Variants in NAPA observed in about 807,000 individuals in gnomAD.
NAPA encodes NSF attachment protein alpha, also known as alpha-soluble NSF attachment protein.
NAPA carries 18 observed loss-of-function variants against 48.0 expected under a neutral mutation model. That is an observed-to-expected ratio of 0.38 (90% CI 0.26 to 0.56). The LOEUF is 0.56. Among genes scored for constraint, NAPA ranks in the 20% least tolerant of loss-of-function variants. NAPA has a pLI of 0.77. For missense variants in NAPA, 315 were observed against 385.0 expected, an observed-to-expected ratio of 0.82 and a Z score of 1.52; for synonymous variants, 152 against 149.9, an observed-to-expected ratio of 1.01 and a Z score of -0.10.
Position 47,493,099 on chromosome 19 carries a change from G to C in NAPA, c.476+20C>G, listed in dbSNP as rs1298184829. 6 of 1,613,836 alleles carry C rather than the reference G, an allele frequency of 3.7e-6. No individual in the cohort carries two copies. In the Admixed American group the frequency reaches 6.7e-5, roughly 18 times the overall value. On this transcript the variant is annotated intron_variant, in intron 6 of 10. Transcript: ENST00000263354. This position sits in a 1 kb window ranked among gnomAD's most constrained non-coding sequence, Gnocchi z 6.4. ...TGGTGGCGGTCCCTGCGGGGCTGGG[G>C]CAGGCAGGAAGGGGGCTACCTGTTG... is the stretch of plus-strand genomic sequence containing the variant.
At position 47,488,356 on chromosome 19, in the gene NAPA, G is replaced by T; in HGVS notation, c.820C>A (p.Gln274Lys). The T allele has an allele frequency of 6.2e-7, 1 of 1,613,564 alleles. No homozygotes were observed. Among genetic ancestry groups the T allele is most frequent in the South Asian group, 1.1e-5 (1 of 91,084 alleles). ...CGCAGCAGCATGGTGGTGAGCCACT[G>T]GTCCAGCCGGGAGATGGAGTCGTAT... is the stretch of plus-strand genomic sequence containing the variant. ...KEYDSISRLD[Q>K]WLTTMLLRIK... is the part of the protein sequence containing the mutation. The change falls in exon 11 of 11, where the codon CAG (glutamine) becomes AAG (lysine). Residue 274 changes from glutamine (Q) to lysine (K), a missense_variant. Transcript: ENST00000263354.
intron 1 of NAPA, among the ~76,000 whole-genome samples, chr19:47,505,018 CTT>C (rs1968666846): frequency 2.0e-5 from 3 of 152,194 alleles, no homozygotes; most frequent in Admixed American, 2.0e-4. Flanking sequence ...TGAGCCTCCT[CTT>C]GACTTGGGGG....
chr19:47,512,041 T>C lies in NAPA; in HGVS notation c.98+2802A>G, dbSNP rs536642983. On this transcript the variant is annotated intron_variant, in intron 1 of 10. Coordinates refer to ENST00000263354, the MANE Select transcript of NAPA (RefSeq NM_003827.4). ...TGGCCTCACCTGCCGCTTCCACCTTTATGGTCTAACGTGGAACTCCCTGTG... is the reference window on the plus strand; with the variant it reads ...TGGCCTCACCTGCCGCTTCCACCTTCATGGTCTAACGTGGAACTCCCTGTG... Among the ~76,000 whole-genome samples the C allele has an allele frequency of 9.2e-5, 14 of 152,232 alleles. No individual in the cohort carries two copies. The South Asian group carries it at 2.9e-3, about 32-fold the overall frequency.
intron 3 of NAPA, among the ~76,000 whole-genome samples, chr19:47,500,270 G>A (rs776831006): frequency 2.6e-5 from 4 of 152,022 alleles, no homozygotes; most frequent in Non-Finnish European, 4.4e-5. Context: ...CCCCCACACC[G>A]CTCCCTTCTG....
At chr19:47,498,593 CT>C (rs1039274103) in intron 3 of NAPA, among the ~76,000 whole-genome samples, 3 of 151,928 alleles carry the variant, frequency 2.0e-5, no homozygotes, top group Non-Finnish European at 4.4e-5. Context: ...CTCTGTGAGG[CT>C]TTTTTTTGGG....
At chr19:47,497,188 G>A (rs1487774372) in intron 3 of NAPA, 3 of 194,552 alleles carry the variant, frequency 1.5e-5, no homozygotes, top group South Asian at 7.3e-5. Flanking sequence ...TCCACATGGA[G>A]GCCCCGGGCT....
intron 1 of NAPA, among the ~76,000 whole-genome samples, chr19:47,514,209 T>C (rs889995114): frequency 6.6e-6 from 1 of 151,996 alleles, no homozygotes; most frequent in Non-Finnish European, 1.5e-5. Context: ...ACTCACCCCA[T>C]GCACCCCCCA....
chr19:47,487,362 G>C (rs1348828184), downstream of NAPA, among the ~76,000 whole-genome samples: 1 of 152,232 alleles, frequency 6.6e-6, no homozygotes, highest in Non-Finnish European at 1.5e-5. Flanking sequence ...TCACCACCGT[G>C]CATCCCAGTT....
rs372754131 is a variant in NAPA, at chr19:47,490,782, A to G, written c.735+6T>C. 6.2e-6 allele frequency: 10 copies of G among 1,613,242 alleles called. No homozygotes were observed. Among genetic ancestry groups the G allele is most frequent in the Non-Finnish European group, 8.5e-6 (10 of 1,179,630 alleles). The stretch of plus-strand genomic sequence containing the variant: ...GAAGGGGGAGGCCGGAGCACCCAGC[A>G]CTTACTTTCATCAACTTGCATTCCC... On this transcript the variant is annotated splice_donor_region_variant and intron_variant, in intron 9 of 10. Transcript: ENST00000263354.
intron 3 of NAPA, among the ~76,000 whole-genome samples, chr19:47,500,367 G>A (rs958827064): frequency 2.0e-5 from 3 of 152,182 alleles, no homozygotes; most frequent in Non-Finnish European, 4.4e-5. Flanking sequence ...CAAATGCTCC[G>A]GGATTGGGAA....
chr19:47,513,262 T>C (rs892835499), intron 1 of NAPA, among the ~76,000 whole-genome samples: 6 of 152,178 alleles, frequency 3.9e-5, no homozygotes, highest in African/African-American at 1.4e-4. Context: ...TGTTTCTCAG[T>C]CTCTCCCTCT....
At chr19:47,486,620 A>G (rs1968085800), downstream of NAPA, among the ~76,000 whole-genome samples, 1 of 152,188 alleles carries the variant, frequency 6.6e-6, no homozygotes, top group Non-Finnish European at 1.5e-5. Context: ...GATACTTTTA[A>G]TGACTTTAAA....
chr19:47,493,776 G>T lies in NAPA; in HGVS notation c.343-283C>A. 2.2e-6 allele frequency: 1 copy of T among 445,336 alleles called. No individual in the cohort carries two copies. The highest frequency in any genetic ancestry group is 6.2e-4 in the Middle Eastern group (1 of 1,614). 27.6% of individuals were successfully genotyped at this position (445,336 alleles called of 1,614,324 possible). ...CATCCCATCCACGAGGGCACAGATG[G>T]TGTGACACCAGAGAGAATGTGAGCA... On this transcript the variant is annotated intron_variant, in intron 4 of 10. Transcript: ENST00000263354. The surrounding 1 kb of genome is among the most constrained non-coding windows in gnomAD (Gnocchi z 6.4).
At chr19:47,512,302 A>G (rs1263702749) in intron 1 of NAPA, among the ~76,000 whole-genome samples, 1 of 151,980 alleles carries the variant, frequency 6.6e-6, no homozygotes, top group Non-Finnish European at 1.5e-5. Flanking sequence ...CCCACTCCCC[A>G]GCAAGTCCTG....
At chr19:47,485,466 ATG>A (rs773455772), downstream of NAPA, among the ~76,000 whole-genome samples, 44 of 152,186 alleles carry the variant, frequency 2.9e-4, no homozygotes, top group Admixed American at 1.5e-3. Flanking sequence ...TTTGGGTACT[ATG>A]TGCACATCTG....
intron 3 of NAPA, among the ~76,000 whole-genome samples, chr19:47,499,139 T>A (rs1001530424): frequency 2.6e-5 from 4 of 152,336 alleles, no homozygotes; most frequent in African/African-American, 9.6e-5. Flanking sequence ...AGAGTCTCGC[T>A]GGAGAGCTAG....
downstream of NAPA, among the ~76,000 whole-genome samples, chr19:47,486,748 A>C (rs889255235): frequency 9.2e-5 from 14 of 152,354 alleles, no homozygotes; most frequent in Admixed American, 7.2e-4. Flanking sequence ...TTCAGGTCTC[A>C]GAAGTCTTTG....
At chr19:47,504,511 T>C (rs561254331) in intron 1 of NAPA, among the ~76,000 whole-genome samples, 7 of 152,184 alleles carry the variant, frequency 4.6e-5, no homozygotes, top group African/African-American at 1.7e-4. Context: ...TAACAGCATT[T>C]TTCTCTTAAG....
At chr19:47,503,366 G>C in intron 2 of NAPA, 57 bp downstream of exon 2, 1 of 1,511,372 alleles carries the variant, frequency 6.6e-7, no homozygotes, top group East Asian at 2.3e-5. Flanking sequence ...GCCTGTGTGA[G>C]TGGAAGCTGA....
Sources: gnomAD v4.1 joint callset for allele counts (sites outside exome capture counted in the v4.1 genomes callset) on GRCh38, gnomAD v4.1.1 for gene constraint, Gnocchi (gnomAD v3.1) non-coding constraint, MANE v1.5 for transcripts, NCBI Gene and HGNC (gene_info 2026-07-23, HGNC 2026-07-21) for gene names.